The following GPC5 variants were observed in gnomAD, a reference collection of about 807,000 sequenced individuals.
The protein encoded by GPC5 is glypican 5.
In GPC5, 47 loss-of-function variants were observed where a neutral mutation model predicts 53.9. That is an observed-to-expected ratio of 0.87 (90% CI 0.69 to 1.11). The LOEUF (loss-of-function observed/expected upper bound fraction) is 1.11. Among genes scored for constraint, GPC5 ranks in the 50% most tolerant of loss-of-function variants. The probability of loss-of-function intolerance (pLI) is 0.00; values close to 1 mark genes in which losing one functional copy is unlikely to be tolerated. For missense variants in GPC5, 748 were observed against 713.1 expected (o/e 1.05, Z -0.56); for synonymous variants, 286 against 263.3 (o/e 1.09, Z -0.84).
At chr13:91,412,480 C>A (rs1475504188) in intron 1 of GPC5, among the ~76,000 whole-genome samples, 1 of 152,132 alleles carries the variant, frequency 6.6e-6, no homozygotes, top group African/African-American at 2.4e-5. Flanking sequence ...ATCTGTAATG[C>A]ACAGCAATCA....
intron 7 of GPC5, among the ~76,000 whole-genome samples, chr13:92,314,762 C>G (rs980927844): frequency 5.9e-5 from 9 of 152,074 alleles, no homozygotes; most frequent in Admixed American, 4.6e-4. Flanking sequence ...GAAGAGTGCT[C>G]TATTTTTATT....
chr13:91,971,320 T>C (rs2040239945), intron 6 of GPC5, among the ~76,000 whole-genome samples: 1 of 152,132 alleles, frequency 6.6e-6, no homozygotes, highest in African/African-American at 2.4e-5. Flanking sequence ...ATATCCCCTT[T>C]ATCATTTTTT....
At chr13:92,807,150 T>C (rs1348288373) in intron 7 of GPC5, among the ~76,000 whole-genome samples, 1 of 152,138 alleles carries the variant, frequency 6.6e-6, no homozygotes, top group Non-Finnish European at 1.5e-5. Context: ...ACCAGCACCA[T>C]ATAAAGATTT....
chr13:92,797,808 T>A (rs1876739781), intron 7 of GPC5, among the ~76,000 whole-genome samples: 1 of 144,698 alleles, frequency 6.9e-6, no homozygotes, highest in Admixed American at 7.2e-5. Flanking sequence ...AGATAAAAGA[T>A]ATTCAAGGGA....
chr13:91,618,039 G>A (rs1398246212), intron 2 of GPC5, among the ~76,000 whole-genome samples: 1 of 152,024 alleles, frequency 6.6e-6, no homozygotes, highest in Admixed American at 6.6e-5. Context: ...TAGCTTGTGG[G>A]TTGTACATAA....
At chr13:91,800,143 C>A (rs2038111312) in intron 5 of GPC5, among the ~76,000 whole-genome samples, 1 of 151,830 alleles carries the variant, frequency 6.6e-6, no homozygotes, top group Non-Finnish European at 1.5e-5. Flanking sequence ...ATTTTTCCTG[C>A]AGACTATGTG....
intron 7 of GPC5, among the ~76,000 whole-genome samples, chr13:92,410,886 A>G (rs1479925609): frequency 6.6e-6 from 1 of 152,252 alleles, no homozygotes; most frequent in Non-Finnish European, 1.5e-5. Context: ...TACTGAATTT[A>G]TTAAAGAAAA....
At chr13:92,190,161 A>G (rs1481278552) in intron 7 of GPC5, among the ~76,000 whole-genome samples, 1 of 152,158 alleles carries the variant, frequency 6.6e-6, no homozygotes, top group East Asian at 1.9e-4. Flanking sequence ...TGCTAGCAAG[A>G]AGAAAGTGGA....
intron 7 of GPC5, among the ~76,000 whole-genome samples, chr13:92,802,499 G>A (rs551438931): frequency 4.0e-5 from 6 of 151,874 alleles, no homozygotes; most frequent in South Asian, 2.1e-4. Flanking sequence ...ACATGCACAC[G>A]TACGTTTATT....
At chr13:92,464,375 AG>A (rs1317343068) in intron 7 of GPC5, among the ~76,000 whole-genome samples, 4 of 152,190 alleles carry the variant, frequency 2.6e-5, no homozygotes, top group African/African-American at 9.7e-5. Context: ...AATTATAGAT[AG>A]GTTTTGCAGA....
chr13:92,624,303 C>T lies in GPC5; in HGVS notation c.1562-241979C>T, dbSNP rs188287052. Among the ~76,000 whole-genome samples the T allele has an allele frequency of 3.8e-4, 58 of 152,248 alleles. 1 individual carries two copies. Among genetic ancestry groups the T allele is most frequent in the Admixed American group, 5.2e-4 (8 of 15,298 alleles). On this transcript the variant is annotated intron_variant, in intron 7 of 7. Coordinates refer to ENST00000377067, the MANE Select transcript of GPC5 (RefSeq NM_004466.6). ...CAGGCTGGTCTCAAACTCCTGATCT[C>T]AGATGATCCAGCTGCCTCGGCCTCC...
At chr13:92,658,919 G>GTTTTTTTTTTTTTT (rs1358143857) in intron 7 of GPC5, 1 of 96,048 alleles carries the variant, frequency 1.0e-5, no homozygotes, top group African/African-American at 3.5e-5. Flanking sequence ...AGTTGTATAT[G>GTTTTTTTTTTTTTT]TTTTGTTTTT....
chr13:91,721,350 G>A (rs898079443), intron 3 of GPC5, among the ~76,000 whole-genome samples: 2 of 152,076 alleles, frequency 1.3e-5, no homozygotes, highest in Admixed American at 6.5e-5. Flanking sequence ...GGCCAGGCTG[G>A]TGTCGAACTC....
At chr13:92,129,367 A>G (rs1295566076) in intron 6 of GPC5, among the ~76,000 whole-genome samples, 1 of 152,222 alleles carries the variant, frequency 6.6e-6, no homozygotes, top group Non-Finnish European at 1.5e-5. Flanking sequence ...TCCCAACCCT[A>G]TCTTCTCATT....
chr13:92,865,485 G>A lies in GPC5; in HGVS notation c.1562-797G>A, dbSNP rs570533668. On this transcript the variant is annotated intron_variant, in intron 7 of 7. Coordinates refer to ENST00000377067, the MANE Select transcript of GPC5 (RefSeq NM_004466.6). ...TCATAAAAGGGGAAAGTAAAAGGGT[G>A]GCTGCCAGGGGATGGATGTGGGGAA... Among the ~76,000 whole-genome samples, 23 of 152,298 alleles carry A rather than the reference G, an allele frequency of 1.5e-4. 1 individual carries two copies. In the South Asian group the frequency reaches 4.4e-3, roughly 29 times the overall value.
Position 91,825,911 on chromosome 13 carries a change from A to G in GPC5, c.1280+69491A>G, listed in dbSNP as rs145497732. On this transcript the variant is annotated intron_variant, in intron 5 of 7. Coordinates refer to ENST00000377067, the MANE Select transcript of GPC5 (RefSeq NM_004466.6). ...TGGCTTACTCCTCAACAGTACTTACATGAGGGAAGCTCCAAACATTCTGAA... is the reference window on the plus strand; with the variant it reads ...TGGCTTACTCCTCAACAGTACTTACGTGAGGGAAGCTCCAAACATTCTGAA... Among the ~76,000 whole-genome samples, 596 of 152,232 alleles carry G rather than the reference A, an allele frequency of 3.9e-3. 4 individuals are homozygous for G. Among genetic ancestry groups the G allele is most frequent in the African/African-American group, 0.014 (569 of 41,554 alleles).
chr13:92,516,217 T>A (rs1476912920), intron 7 of GPC5, among the ~76,000 whole-genome samples: 1 of 152,120 alleles, frequency 6.6e-6, no homozygotes, highest in African/African-American at 2.4e-5. Context: ...CACTGAGTAC[T>A]GTGGGAGAAC....
chr13:92,376,052 G>T (rs142552797), intron 7 of GPC5, among the ~76,000 whole-genome samples: 2 of 152,252 alleles, frequency 1.3e-5, no homozygotes, highest in African/African-American at 4.8e-5. Context: ...ACCAATTTTA[G>T]TGTGTACTAT....
chr13:92,534,807 G>A (rs547499417), intron 7 of GPC5, among the ~76,000 whole-genome samples: 2 of 152,076 alleles, frequency 1.3e-5, no homozygotes, highest in East Asian at 3.9e-4. Flanking sequence ...ATTCACGAAT[G>A]GTACAAGATA....
Sources: gnomAD v4.1 joint callset for allele counts (sites outside exome capture counted in the v4.1 genomes callset) on GRCh38, gnomAD v4.1.1 for gene constraint, MANE v1.5 for transcripts, NCBI Gene and HGNC (gene_info 2026-07-23, HGNC 2026-07-21) for gene names.